HSPBAP1: variants seen among roughly 807,000 people sequenced by gnomAD.
The protein encoded by HSPBAP1 is HSPB1 associated protein 1.
A neutral mutation model predicts 45.2 loss-of-function variants in HSPBAP1; 27 were observed. That is an observed-to-expected ratio of 0.60 (90% confidence interval 0.44 to 0.82). HSPBAP1 has a LOEUF of 0.82. Among genes scored for constraint, HSPBAP1 ranks in the 40% least tolerant of loss-of-function variants. HSPBAP1 has a pLI of 0.00. For synonymous variants in HSPBAP1, 204 were observed against 202.7 expected, an observed-to-expected ratio of 1.01 and a Z score of -0.06; for missense variants, 510 against 590.9, an observed-to-expected ratio of 0.86 and a Z score of 1.42.
chr3:122,757,605 T>C (rs768462087), intron 4 of HSPBAP1, among the ~76,000 whole-genome samples: 7 of 152,326 alleles, frequency 4.6e-5, no homozygotes, highest in Admixed American at 1.3e-4. Flanking sequence ...ACTCCCATCA[T>C]AGAGAGGGTG....
chr3:122,788,072 G>A lies in HSPBAP1; in HGVS notation c.64+5545C>T, dbSNP rs1055023364. Among the ~76,000 whole-genome samples the A allele has an allele frequency of 7.9e-5, 12 of 152,276 alleles. No homozygotes were observed. In the East Asian group the frequency reaches 1.2e-3, roughly 15 times the overall value. ...CTAGCCTTATCAATACCAATGCTTG[G>A]TGTGGCAGTAAACACACAGGAAGTT... On this transcript the variant is annotated intron_variant, in intron 1 of 7. Coordinates refer to ENST00000306103, the MANE Select transcript of HSPBAP1 (RefSeq NM_024610.6).
chr3:122,753,459 G>T, intron 5 of HSPBAP1: 2 of 981,776 alleles, frequency 2.0e-6, no homozygotes, highest in Non-Finnish European at 2.4e-6. Context: ...GGTTAAAATA[G>T]TGGTATCGAG....
Position 122,743,630 on chromosome 3 carries a change from G to A in HSPBAP1, c.826-2517C>T, listed in dbSNP as rs556431586. Among the ~76,000 whole-genome samples the A allele has an allele frequency of 5.9e-4, 90 of 152,164 alleles. 1 individual carries two copies. In the South Asian group the frequency reaches 0.017, roughly 29 times the overall value. On this transcript the variant is annotated intron_variant, in intron 6 of 7. Transcript: ENST00000306103. ...TTCATTTTTCTTGGGTATACACCTA[G>A]GAATGGAATTGCTGGGTCATATGGT...
At chr3:122,778,868 G>A (rs555654310) in intron 1 of HSPBAP1, among the ~76,000 whole-genome samples, 1 of 151,930 alleles carries the variant, frequency 6.6e-6, no homozygotes, top group African/African-American at 2.4e-5. Context: ...AATATCAATG[G>A]TTTCTGGAAG....
chr3:122,779,669 T>C (rs1009250118), intron 1 of HSPBAP1, among the ~76,000 whole-genome samples: 2,174 of 149,932 alleles, frequency 0.014, 94 homozygotes, highest in African/African-American at 0.051. Context: ...CCGCAGTGTT[T>C]GTGTCCCTGA....
intron 1 of HSPBAP1, among the ~76,000 whole-genome samples, chr3:122,783,609 G>A (rs951473286): frequency 1.3e-5 from 2 of 152,198 alleles, no homozygotes; most frequent in African/African-American, 4.8e-5. Flanking sequence ...GAAAGAAGCA[G>A]TTAGAGCTTA....
At chr3:122,792,179 G>A (rs1935852145) in intron 1 of HSPBAP1, among the ~76,000 whole-genome samples, 1 of 152,202 alleles carries the variant, frequency 6.6e-6, no homozygotes, top group African/African-American at 2.4e-5. Context: ...GGGATCTCAA[G>A]CCCATACTGA....
At chr3:122,758,672 C>G (rs1934442138) in intron 4 of HSPBAP1, 2 of 449,564 alleles carry the variant, frequency 4.4e-6, no homozygotes, top group Admixed American at 4.8e-5. Context: ...TTTGAGAGGC[C>G]AAGGCAGGAG....
Position 122,752,678 on chromosome 3 carries a change from A to C in HSPBAP1, c.742-4T>G. ...AGTGTCTGGGAACAAAGAGAACCTG[A>C]AAACCAAACAAAGAATGGTTAGCAC... On this transcript the variant is annotated splice_polypyrimidine_tract_variant and splice_region_variant and intron_variant, in intron 5 of 7. Coordinates refer to ENST00000306103, the MANE Select transcript of HSPBAP1 (RefSeq NM_024610.6). The C allele has an allele frequency of 6.3e-7, 1 of 1,596,404 alleles. No individual in the cohort carries two copies. The highest frequency in any genetic ancestry group is 8.5e-7 in the Non-Finnish European group (1 of 1,172,010).
At chr3:122,788,435 G>A (rs1263861095) in intron 1 of HSPBAP1, among the ~76,000 whole-genome samples, 1 of 152,068 alleles carries the variant, frequency 6.6e-6, no homozygotes, top group African/African-American at 2.4e-5. Context: ...TAAAATAAAT[G>A]ATTATTTTAT....
chr3:122,779,063 C>CTCGCTCTG (rs1235001137), intron 1 of HSPBAP1, among the ~76,000 whole-genome samples: 7 of 150,114 alleles, frequency 4.7e-5, no homozygotes, highest in Non-Finnish European at 8.9e-5. Flanking sequence ...GAGACAGAGT[C>CTCGCTCTG]TCGCTCTGTC....
chr3:122,760,783 T>C (rs924264699), intron 3 of HSPBAP1, among the ~76,000 whole-genome samples: 2 of 152,200 alleles, frequency 1.3e-5, no homozygotes, highest in African/African-American at 4.8e-5. Context: ...GGCTCAGGGT[T>C]ACAGCTTGGA....
intron 1 of HSPBAP1, among the ~76,000 whole-genome samples, chr3:122,792,952 C>T (rs763580076): frequency 2.0e-5 from 3 of 152,116 alleles, no homozygotes; most frequent in African/African-American, 7.2e-5. Flanking sequence ...TTTATGTTCT[C>T]CCCACTGAGA....
intron 6 of HSPBAP1, chr3:122,741,912 A>T (rs973885624): frequency 2.0e-5 from 3 of 152,206 alleles, no homozygotes; most frequent in African/African-American, 7.2e-5. Context: ...AGTCTTATAC[A>T]CTAATGGGAA....
At chr3:122,752,174 A>G (rs1934173526) in intron 6 of HSPBAP1, among the ~76,000 whole-genome samples, 2 of 152,248 alleles carry the variant, frequency 1.3e-5, no homozygotes, top group Admixed American at 1.3e-4. Flanking sequence ...GAGAATATGT[A>G]GAAGCCAAGA....
At chr3:122,741,695 A>G (rs1933674685) in intron 6 of HSPBAP1, 1 of 152,466 alleles carries the variant, frequency 6.6e-6, no homozygotes, top group African/African-American at 2.4e-5. Context: ...ATTAATGTGT[A>G]GAATAATCTA....
intron 2 of HSPBAP1, among the ~76,000 whole-genome samples, chr3:122,771,116 A>C (rs902003150): frequency 5.3e-5 from 8 of 152,262 alleles, no homozygotes; most frequent in African/African-American, 1.7e-4. Flanking sequence ...TAAAAATGTA[A>C]AAATTACATA....
At chr3:122,741,351 G>T in intron 6 of HSPBAP1, 3 of 475,494 alleles carry the variant, frequency 6.3e-6, no homozygotes, top group Non-Finnish European at 7.5e-6. Context: ...TATAAGTCAT[G>T]GCCTTAAGTA....
intron 1 of HSPBAP1, among the ~76,000 whole-genome samples, chr3:122,780,550 G>T (rs1423921272): frequency 2.2e-5 from 3 of 139,506 alleles, no homozygotes; most frequent in Admixed American, 1.4e-4. Context: ...CTGGCCGGAC[G>T]GGGGGCTGAA....
Sources: gnomAD v4.1 joint callset for allele counts (sites outside exome capture counted in the v4.1 genomes callset) on GRCh38, gnomAD v4.1.1 for gene constraint, MANE v1.5 for transcripts, NCBI Gene and HGNC (gene_info 2026-07-23, HGNC 2026-07-21) for gene names.